Variants in PRR5L observed in about 807,000 individuals in gnomAD.
PRR5L encodes the protein proline rich 5 like, also known as proline-rich protein 5-like.
Under a neutral mutation model 36.4 loss-of-function variants are expected in PRR5L, and 21 were observed. The ratio of observed to expected loss-of-function variants is 0.58; its 90% CI spans 0.41 to 0.83. The LOEUF (loss-of-function observed/expected upper bound fraction) is 0.83, where lower values mean the gene tolerates loss of function less well. PRR5L is among the 40% of genes least tolerant of loss of function. PRR5L has a pLI of 0.00. For missense variants in PRR5L, 381 were observed against 473.3 expected (o/e 0.80, Z 1.81); for synonymous variants, 188 against 197.0 (o/e 0.95, Z 0.38).
intron 1 of PRR5L, among the ~76,000 whole-genome samples, chr11:36,387,755 C>T (rs1039778918): frequency 2.0e-4 from 30 of 152,318 alleles, no homozygotes; most frequent in African/African-American, 6.7e-4. Flanking sequence ...TTACCTTATA[C>T]CTGGCTTAGG....
chr11:36,304,973 C>T (rs1856415305), intron 1 of PRR5L, among the ~76,000 whole-genome samples: 1 of 152,114 alleles, frequency 6.6e-6, no homozygotes. Flanking sequence ...TGTGCATTCC[C>T]CAAAAGGTTA....
chr11:36,402,082 C>G (rs371103321), intron 2 of PRR5L, among the ~76,000 whole-genome samples: 2 of 152,176 alleles, frequency 1.3e-5, no homozygotes, highest in African/African-American at 2.4e-5. Context: ...GTCTAGCCAA[C>G]CTTTTGTGCA....
intron 6 of PRR5L, 24 bp downstream of exon 6, chr11:36,437,500 C>T: frequency 1.4e-6 from 2 of 1,399,342 alleles, no homozygotes. Flanking sequence ...GGGAACACTT[C>T]CTGCCATCCT....
rs1185476560 is a variant in PRR5L, at chr11:36,299,371, G to A, written c.-126+2933G>A. On this transcript the variant is annotated intron_variant, in intron 1 of 8. Coordinates refer to ENST00000530639, the MANE Select transcript of PRR5L (RefSeq NM_001160167.2). The stretch of plus-strand genomic sequence containing the variant: ...TTGGAGGGTGGGTAGTGGGCAATTG[G>A]GACTTGGAGTGCTCCTATTGCTTTC... 2.0e-5 allele frequency among the ~76,000 whole-genome samples: 3 copies of A among 152,096 alleles called. 1 individual carries two copies. The highest frequency in any genetic ancestry group is 4.4e-5 in the Non-Finnish European group (3 of 68,032).
intron 1 of PRR5L, among the ~76,000 whole-genome samples, chr11:36,351,964 T>C (rs1312396898): frequency 6.6e-6 from 1 of 151,724 alleles, no homozygotes. Context: ...TTAGATCAAA[T>C]GGTAGTTCTA....
chr11:36,319,933 T>C (rs11033549), intron 1 of PRR5L, among the ~76,000 whole-genome samples: 17,892 of 152,196 alleles, frequency 0.12, 1,088 homozygotes, highest in African/African-American at 0.13. Context: ...CTCTCAAGGC[T>C]GCACGCAGGA....
chr11:36,415,805 A>G (rs911509311), intron 3 of PRR5L, among the ~76,000 whole-genome samples: 3 of 152,256 alleles, frequency 2.0e-5, no homozygotes, highest in African/African-American at 7.2e-5. Context: ...CTGTGTTTAA[A>G]AATCAAGGAG....
chr11:36,366,639 G>A (rs148447643), intron 1 of PRR5L, among the ~76,000 whole-genome samples: 258 of 152,168 alleles, frequency 1.7e-3, no homozygotes, highest in African/African-American at 5.9e-3. Flanking sequence ...TAGTTTATTC[G>A]TCACTCTCTG....
rs1858505825 is a variant in PRR5L at position 36,431,926 on chromosome 11, C to A, written c.352+16C>A. The A allele has an allele frequency of 1.9e-6, 3 of 1,610,124 alleles. No individual in the cohort carries two copies. The South Asian group carries it at 3.3e-5, about 18-fold the overall frequency. ...CTGTGTGAAGGCAAGTACAAGACAG[C>A]CCTGGTAGACTGGGGCCTCTGTGAC... On this transcript the variant is annotated intron_variant, in intron 5 of 8. Transcript: ENST00000530639.
chr11:36,301,596 G>A (rs2901672), intron 1 of PRR5L, among the ~76,000 whole-genome samples: 46,891 of 152,028 alleles, frequency 0.31, 8,160 homozygotes, highest in Non-Finnish European at 0.39. Context: ...TGGAGGAAGT[G>A]GGGCATGGGG....
At chr11:36,397,721 A>C (rs897113376) in intron 1 of PRR5L, among the ~76,000 whole-genome samples, 1 of 151,224 alleles carries the variant, frequency 6.6e-6, no homozygotes, top group Non-Finnish European at 1.5e-5. Context: ...CCGGGATTAC[A>C]GACGTGAGTG....
At chr11:36,351,466 T>C (rs1369915085) in intron 1 of PRR5L, among the ~76,000 whole-genome samples, 1 of 60,646 alleles carries the variant, frequency 1.6e-5, no homozygotes, top group African/African-American at 6.7e-5. Context: ...TTTATATATT[T>C]ATATATACAT....
At chr11:36,446,560 A>G in intron 7 of PRR5L, 120 bp downstream of exon 7, 3 of 1,222,106 alleles carry the variant, frequency 2.5e-6, no homozygotes, top group African/African-American at 1.5e-5. Flanking sequence ...GCTTACTACT[A>G]TTTAGTTTGT....
chr11:36,355,909 T>A (rs2133497592), intron 1 of PRR5L, among the ~76,000 whole-genome samples: 1 of 151,492 alleles, frequency 6.6e-6, no homozygotes, highest in African/African-American at 2.4e-5. Flanking sequence ...TAACACCTGA[T>A]CTTTGCTTTT....
chr11:36,376,510 G>T, intron 1 of PRR5L: 1 of 1,040,936 alleles, frequency 9.6e-7, no homozygotes, highest in African/African-American at 1.7e-5. Flanking sequence ...AGAGCTGGGG[G>T]AGGAGGGAGG....
Position 36,401,250 on chromosome 11 carries a change from G to A in PRR5L, c.129G>A (p.Gln43=), listed in dbSNP as rs375733955. The change falls in exon 2 of 9, where the codon CAG becomes CAA. Residue 43 remains glutamine, a synonymous_variant. Coordinates refer to ENST00000530639, the MANE Select transcript of PRR5L (RefSeq NM_001160167.2). ...TTCCCCGATTCCAAGCAGCTCGGCA[G>A]GCTCTGCAGCTGAGCTCCAGCTCAG... is the stretch of plus-strand genomic sequence containing the variant. ...SDLPRFQAAR[Q]ALQLSSSSAW... is the part of the protein sequence containing the mutation. 4.3e-6 allele frequency: 7 copies of A among 1,612,938 alleles called. No homozygotes were observed. The highest frequency in any genetic ancestry group is 3.4e-6 in the Non-Finnish European group (4 of 1,179,988).
In PRR5L at chr11:36,351,572, TATATAAA is replaced by T. The variant is rs1856961442; in HGVS notation, c.-125-49424_-125-49418del. ...ATATATATTTATATATTTATATATT[TATATAAA>T]TATATATTTATATATTTATATAAAT... On this transcript the variant is annotated intron_variant, in intron 1 of 8. Coordinates refer to ENST00000530639, the MANE Select transcript of PRR5L (RefSeq NM_001160167.2). 1.6e-4 allele frequency among the ~76,000 whole-genome samples: 5 copies of T among 31,232 alleles called. 2 individuals carry two copies. Among genetic ancestry groups the T allele is most frequent in the African/African-American group, 8.1e-4 (5 of 6,192 alleles). The allele number at this position is 31,232 out of a possible 152,430, so 20.5% of individuals were successfully genotyped here.
At chr11:36,428,947 A>G (rs1380143484) in intron 4 of PRR5L, among the ~76,000 whole-genome samples, 1 of 152,224 alleles carries the variant, frequency 6.6e-6, no homozygotes, top group Admixed American at 6.5e-5. Context: ...TTTTGGTCTA[A>G]GCTATAGAAT....
intron 1 of PRR5L, among the ~76,000 whole-genome samples, chr11:36,338,928 T>C (rs896385987): frequency 2.0e-5 from 3 of 152,162 alleles, no homozygotes; most frequent in Non-Finnish European, 4.4e-5. Context: ...GGGCCCGTCT[T>C]TCCCGTGCTA....
Sources: allele counts gnomAD v4.1 joint callset (sites outside exome capture counted in the v4.1 genomes callset), GRCh38; gene constraint gnomAD v4.1.1; transcripts MANE v1.5; gene names NCBI Gene and HGNC (gene_info 2026-07-23, HGNC 2026-07-21).